The following DPP10 variants were observed in gnomAD, a reference collection of about 807,000 sequenced individuals.
DPP10 encodes dipeptidyl peptidase like 10.
DPP10 carries 33 observed loss-of-function variants against 120.9 expected under a neutral mutation model. The observed-to-expected ratio is 0.27, with a 90% CI of 0.21 to 0.37. The LOEUF (loss-of-function observed/expected upper bound fraction) is 0.37. Among genes scored for constraint, DPP10 ranks in the 10% least tolerant of loss-of-function variants. The pLI is 1.00. For missense variants in DPP10, 816 were observed against 942.8 expected, an observed-to-expected ratio of 0.87 and a Z score of 1.76; for synonymous variants, 337 against 326.1, an observed-to-expected ratio of 1.03 and a Z score of -0.36.
Position 115,471,573 on chromosome 2 carries a change from C to T in DPP10, c.272-27937C>T, listed in dbSNP as rs1278690605. ...GAAATGGACCAGGATTCTTCTTTTT[C>T]TTTTCTTTTTCTCTCTTTTATTTTT... On this transcript the variant is annotated intron_variant, in intron 3 of 25. Coordinates refer to ENST00000410059, the MANE Select transcript of DPP10 (RefSeq NM_020868.6). 1.5e-5 allele frequency among the ~76,000 whole-genome samples: 2 copies of T among 129,752 alleles called. 1 individual carries two copies. Among genetic ancestry groups the T allele is most frequent in the East Asian group, 4.9e-4 (2 of 4,118 alleles). 85.1% of individuals were successfully genotyped at this position (129,752 alleles called of 152,430 possible).
At chr2:115,575,652 A>G (rs2081609817) in intron 5 of DPP10, among the ~76,000 whole-genome samples, 1 of 152,170 alleles carries the variant, frequency 6.6e-6, no homozygotes, top group Non-Finnish European at 1.5e-5. Context: ...AGACTGTGGC[A>G]GGCAGAATAA....
chr2:115,633,451 A>G (rs557825937), intron 5 of DPP10, among the ~76,000 whole-genome samples: 1 of 152,262 alleles, frequency 6.6e-6, no homozygotes, highest in South Asian at 2.1e-4. Context: ...GTAAGGGGGA[A>G]GGATAGCATT....
At chr2:115,004,021 G>T (rs1039260965) in intron 1 of DPP10, among the ~76,000 whole-genome samples, 5 of 152,130 alleles carry the variant, frequency 3.3e-5, no homozygotes, top group African/African-American at 9.7e-5. Context: ...TAACAAACAT[G>T]TATTTGCTTA....
intron 1 of DPP10, among the ~76,000 whole-genome samples, chr2:114,769,437 C>T (rs1021045245): frequency 2.0e-4 from 30 of 152,166 alleles, no homozygotes; most frequent in African/African-American, 6.3e-4. Context: ...CCTCCATCCT[C>T]GATACAGGGA....
At chr2:114,463,512 T>C (rs1246669624) in intron 1 of DPP10, 1 of 152,162 alleles carries the variant, frequency 6.6e-6, no homozygotes, top group Non-Finnish European at 1.5e-5. Flanking sequence ...TCTTCTACTT[T>C]CCAATAATTT....
chr2:115,421,306 A>G (rs2069932385), intron 3 of DPP10, among the ~76,000 whole-genome samples: 1 of 152,184 alleles, frequency 6.6e-6, no homozygotes, highest in Admixed American at 6.5e-5. Context: ...TGCCATGTTC[A>G]GTGGTTGTAA....
chr2:114,459,213 C>T (rs975483769), intron 1 of DPP10, among the ~76,000 whole-genome samples: 1 of 152,202 alleles, frequency 6.6e-6, no homozygotes, highest in Non-Finnish European at 1.5e-5. Flanking sequence ...CTTACCGTTG[C>T]TGTGACCTTC....
At chr2:115,442,719 C>T (rs1394598379) in intron 3 of DPP10, among the ~76,000 whole-genome samples, 1 of 152,220 alleles carries the variant, frequency 6.6e-6, no homozygotes, top group African/African-American at 2.4e-5. Flanking sequence ...CTTTTCAGAT[C>T]TATGTACAGT....
intron 13 of DPP10, among the ~76,000 whole-genome samples, chr2:115,775,532 A>G (rs1681996524): frequency 6.6e-6 from 1 of 152,114 alleles, no homozygotes; most frequent in South Asian, 2.1e-4. Flanking sequence ...CCATAGTGTT[A>G]AGAAAATGGA....
chr2:115,679,776 C>T (rs1055065299), intron 5 of DPP10, among the ~76,000 whole-genome samples: 9 of 151,866 alleles, frequency 5.9e-5, no homozygotes, highest in Non-Finnish European at 1.2e-4. Flanking sequence ...ATCACTTGTA[C>T]GTGGGAACAA....
At chr2:114,897,976 G>A (rs1041938637) in intron 1 of DPP10, among the ~76,000 whole-genome samples, 5 of 152,162 alleles carry the variant, frequency 3.3e-5, no homozygotes, top group African/African-American at 4.8e-5. Flanking sequence ...AATACCATTT[G>A]ACCCAGCCAT....
chr2:115,750,457 C>G (rs1451620299), intron 10 of DPP10, among the ~76,000 whole-genome samples: 3 of 152,110 alleles, frequency 2.0e-5, no homozygotes, highest in Admixed American at 2.0e-4. Context: ...TAGACTTTAC[C>G]AATTAAAATT....
intron 5 of DPP10, among the ~76,000 whole-genome samples, chr2:115,644,121 A>G (rs1040141832): frequency 1.3e-5 from 2 of 151,984 alleles, no homozygotes; most frequent in Non-Finnish European, 2.9e-5. Context: ...AAACTTAACC[A>G]TGTCTAACCC....
chr2:114,633,660 C>A (rs944014620), intron 1 of DPP10, among the ~76,000 whole-genome samples: 3 of 151,578 alleles, frequency 2.0e-5, no homozygotes, highest in Non-Finnish European at 4.4e-5. Context: ...GTCACCCAGA[C>A]TAGAGTGCAA....
chr2:115,775,113 C>G (rs2149838841), intron 13 of DPP10, among the ~76,000 whole-genome samples: 1 of 151,876 alleles, frequency 6.6e-6, no homozygotes, highest in Admixed American at 6.6e-5. Context: ...TACATATAAA[C>G]AACAGTTTTT....
At chr2:115,052,795 T>C (rs963442830) in intron 1 of DPP10, among the ~76,000 whole-genome samples, 3 of 151,942 alleles carry the variant, frequency 2.0e-5, no homozygotes, top group African/African-American at 7.3e-5. Flanking sequence ...CTACTCAAAA[T>C]ACAAAAATTA....
intron 1 of DPP10, among the ~76,000 whole-genome samples, chr2:114,642,394 A>T (rs550466896): frequency 3.8e-4 from 58 of 151,992 alleles, no homozygotes; most frequent in Non-Finnish European, 4.6e-4. Flanking sequence ...CGCTGACTTC[A>T]AAGCACAAGT....
intron 3 of DPP10, among the ~76,000 whole-genome samples, chr2:115,422,795 C>G (rs2070098789): frequency 6.6e-6 from 1 of 152,084 alleles, no homozygotes; most frequent in Non-Finnish European, 1.5e-5. Context: ...ATGAGTTTCT[C>G]AGTGTTTTGA....
At chr2:114,730,134 G>GA (rs111755933) in intron 1 of DPP10, among the ~76,000 whole-genome samples, 21,230 of 148,488 alleles carry the variant, frequency 0.14, 1,892 homozygotes, top group African/African-American at 0.26. Context: ...TGTCCAAACA[G>GA]AAAAAAAAAA....
Sources: gnomAD v4.1 joint callset for allele counts (sites outside exome capture counted in the v4.1 genomes callset) on GRCh38, gnomAD v4.1.1 for gene constraint, MANE v1.5 for transcripts, NCBI Gene and HGNC (gene_info 2026-07-23, HGNC 2026-07-21) for gene names.